Variants in HINFP observed in about 807,000 individuals in gnomAD.
HINFP encodes histone H4 transcription factor.
A neutral mutation model predicts 50.1 loss-of-function variants in HINFP; 20 were observed. That is an observed-to-expected ratio of 0.40 (90% confidence interval 0.28 to 0.58). The LOEUF (loss-of-function observed/expected upper bound fraction) is 0.58, where lower values mean the gene tolerates loss of function less well. HINFP is among the 20% of genes least tolerant of loss of function. The pLI, the probability that HINFP is intolerant of heterozygous loss-of-function variation, is 0.45. For missense variants in HINFP, 505 were observed against 664.1 expected (o/e 0.76, Z 2.63); for synonymous variants, 247 against 243.7 (o/e 1.01, Z -0.13).
At position 119,135,932 on chromosome 11, in the gene HINFP, C is replaced by G. The variant is rs1224827562; in HGVS notation, c.*1434C>G. The G allele has an allele frequency of 6.6e-6, 1 of 152,136 alleles. No individual in the cohort carries two copies. Among genetic ancestry groups the G allele is most frequent in the Non-Finnish European group, 1.5e-5 (1 of 68,080 alleles). 9.4% of individuals were successfully genotyped at this position (152,136 alleles called of 1,614,324 possible). A position where few individuals can be genotyped will look rare whatever the true frequency, so the allele number is the denominator to read the frequency against. On this transcript the variant is annotated 3_prime_UTR_variant, in exon 10 of 10. Transcript: ENST00000350777. The stretch of plus-strand genomic sequence containing the variant: ...GTCCCAGCTACTCGGGAGGCTGAGG[C>G]AGGAGAATTGCTTGAACCCGGGAGG...
At position 119,135,929 on chromosome 11, in the gene HINFP, A is replaced by C. The variant is rs1271527250; in HGVS notation, c.*1431A>C. ...GTAGTCCCAGCTACTCGGGAGGCTG[A>C]GGCAGGAGAATTGCTTGAACCCGGG... is the stretch of plus-strand genomic sequence containing the variant. On this transcript the variant is annotated 3_prime_UTR_variant, in exon 10 of 10. Transcript: ENST00000350777. The C allele has an allele frequency of 6.6e-6, 1 of 152,276 alleles. No individual in the cohort carries two copies. Among genetic ancestry groups the C allele is most frequent in the Non-Finnish European group, 1.5e-5 (1 of 68,094 alleles). The allele number at this position is 152,276 out of a possible 1,614,324, so 9.4% of individuals were successfully genotyped here.
chr11:119,132,561 A>G lies in HINFP; in HGVS notation c.742A>G (p.Met248Val). Residue 248 changes from methionine (M) to valine (V), a missense_variant, in exon 6 of 10, where the codon ATG becomes GTG. By Grantham distance (21) the Met-to-Val change is conservative. Transcript: ENST00000350777. ...CACAGAGCGGCTATTGCGGGACCAC[A>G]TGCGCAACCATGGTGAGTGGCCTGC... Reference protein sequence around the residue: ...FATERLLRDHMRNHVNHYKCP... With the variant: ...FATERLLRDHVRNHVNHYKCP... 4.3e-6 allele frequency: 7 copies of G among 1,614,120 alleles called. No individual in the cohort carries two copies. Among genetic ancestry groups the G allele is most frequent in the Non-Finnish European group, 5.9e-6 (7 of 1,180,038 alleles).
intron 2 of HINFP, 69 bp downstream of exon 2, chr11:119,127,194 A>G (rs979222900): frequency 7.6e-7 from 1 of 1,319,542 alleles, no homozygotes; most frequent in African/African-American, 1.5e-5. Flanking sequence ...TCTTTTCCTT[A>G]GAGGGAGAAG....
rs537770376 is a variant in HINFP, at chr11:119,128,043, G to A, written c.181+918G>A. Among the ~76,000 whole-genome samples the A allele has an allele frequency of 2.6e-5, 4 of 152,074 alleles. No homozygotes were observed. The South Asian group carries it at 8.3e-4, about 32-fold the overall frequency. On this transcript the variant is annotated intron_variant, in intron 2 of 9. Transcript: ENST00000350777. ...TAATTTTTGTACTTTTAGTAGAGAT[G>A]GGGTTTCACCATGTTGGCCAGGATG...
In HINFP at chr11:119,131,823, T is replaced by C; in HGVS notation, c.524-7T>C. 1 of 1,613,844 alleles carries C rather than the reference T, an allele frequency of 6.2e-7. No homozygotes were observed. The highest frequency in any genetic ancestry group is 8.5e-7 in the Non-Finnish European group (1 of 1,179,992). On this transcript the variant is annotated splice_polypyrimidine_tract_variant and splice_region_variant and intron_variant, in intron 4 of 9. Coordinates refer to ENST00000350777, the MANE Select transcript of HINFP (RefSeq NM_198971.3). The surrounding 1 kb of genome is among the most constrained non-coding windows in gnomAD (Gnocchi z 4.2). The stretch of plus-strand genomic sequence containing the variant: ...GTGGCAGGAGACTGATAGGGCTTCC[T>C]TCCCAGGCTGTACCTGCACCTTCAA...
rs1948005690 is a variant in HINFP, at chr11:119,135,297, A to G, written c.*799A>G. ...GCTGTGAGTGGGCAGTAGTGGTGCT[A>G]TAGAATGAACAAGAATGGGCTCACT... On this transcript the variant is annotated 3_prime_UTR_variant, in exon 10 of 10. Coordinates refer to ENST00000350777, the MANE Select transcript of HINFP (RefSeq NM_198971.3). 1.3e-5 allele frequency: 2 copies of G among 152,440 alleles called. No homozygotes were observed. Among genetic ancestry groups the G allele is most frequent in the African/African-American group, 4.8e-5 (2 of 41,556 alleles). The allele number at this position is 152,440 out of a possible 1,614,324, so 9.4% of individuals were successfully genotyped here. A position where few individuals can be genotyped will look rare whatever the true frequency, so the allele number is the denominator to read the frequency against.
chr11:119,130,654 A>T, intron 2 of HINFP, 71 bp from the exon 3 acceptor site: 1 of 1,349,052 alleles, frequency 7.4e-7, no homozygotes, highest in Non-Finnish European at 1.1e-6. Flanking sequence ...CTCTCTGTTT[A>T]GTGCTGCAGG....
intron 2 of HINFP, among the ~76,000 whole-genome samples, chr11:119,129,382 G>C (rs1348014520): frequency 5.9e-5 from 9 of 151,778 alleles, no homozygotes; most frequent in African/African-American, 1.5e-4. Context: ...TATGTTACCA[G>C]GTTGATCTTA....
intron 1 of HINFP, chr11:119,125,035 G>GTGTGTGT (rs1420094853): frequency 1.0e-5 from 1 of 100,192 alleles, no homozygotes; most frequent in African/African-American, 4.0e-5. Context: ...GTGTGTGTGT[G>GTGTGTGT]TTTTTTTTTT....
intron 9 of HINFP, 38 bp downstream of exon 9, chr11:119,133,257 T>A: frequency 6.2e-7 from 1 of 1,611,106 alleles, no homozygotes; most frequent in Non-Finnish European, 8.5e-7. Context: ...TTAACACACT[T>A]GTTTTTATAC....
chr11:119,127,394 C>A (rs1314349182), intron 2 of HINFP: 15 of 230,926 alleles, frequency 6.5e-5, no homozygotes, highest in East Asian at 1.7e-4. Context: ...CCTGTGTTTA[C>A]ATATATTTAA....
rs1447322771 is a variant in HINFP at position 119,131,793 on chromosome 11, GT to G, written c.524-33del. ...GTACCAGATCCTAGGCAAAACTGGG[GT>G]TTTGTGGCAGGAGACTGATAGGGCT... On this transcript the variant is annotated intron_variant, in intron 4 of 9. Transcript: ENST00000350777. This position sits in a 1 kb window ranked among gnomAD's most constrained non-coding sequence, Gnocchi z 4.2. 6.2e-7 allele frequency: 1 copy of G among 1,612,414 alleles called. No homozygotes were observed. The highest frequency in any genetic ancestry group is 1.3e-5 in the African/African-American group (1 of 74,866).
At position 119,134,246 on chromosome 11, in the gene HINFP, G is replaced by T. The variant is rs184983504; in HGVS notation, c.1302G>T (p.Gly434=). 1.1e-4 allele frequency: 172 copies of T among 1,614,164 alleles called. No homozygotes were observed. Among genetic ancestry groups the T allele is most frequent in the Admixed American group, 1.5e-4 (9 of 60,024 alleles). The change falls in exon 10 of 10, where the codon GGG becomes GGT. Residue 434 remains glycine, a synonymous_variant. Coordinates refer to ENST00000350777, the MANE Select transcript of HINFP (RefSeq NM_198971.3). The surrounding 1 kb of genome is among the most constrained non-coding windows in gnomAD (Gnocchi z 4.3). The stretch of plus-strand genomic sequence containing the variant: ...GCATTATTCTAGAAACAGTGCCAGG[G>T]GAGCCAGGACGTAAGGAAGAGGAAG... ...LQGIILETVP[G]EPGRKEEEEE... is the part of the protein sequence containing the mutation.
chr11:119,132,059 T>C, intron 5 of HINFP, 77 bp downstream of exon 5: 1 of 1,533,304 alleles, frequency 6.5e-7, no homozygotes, highest in South Asian at 1.2e-5. Flanking sequence ...CTAGTGGGGG[T>C]GGCCACTGAA....
chr11:119,132,623 A>C lies in HINFP; in HGVS notation c.755-38A>C, dbSNP rs777607392. ...TCCCTCCTGCCCTCCAAGGTTCCAC[A>C]AGTTCTCACATCACAGCCTCCTCTC... On this transcript the variant is annotated intron_variant, in intron 6 of 9. Coordinates refer to ENST00000350777, the MANE Select transcript of HINFP (RefSeq NM_198971.3). 2.5e-6 allele frequency: 4 copies of C among 1,613,932 alleles called. No individual in the cohort carries two copies. In the South Asian group the frequency reaches 4.4e-5, roughly 18 times the overall value.
At chr11:119,125,040 T>TG (rs1947314803) in intron 1 of HINFP, 5 of 146,188 alleles carry the variant, frequency 3.4e-5, no homozygotes, top group African/African-American at 1.0e-4. Context: ...TGTGTGTTTT[T>TG]TTTTTTTTTT....
intron 9 of HINFP, chr11:119,133,870 G>A: frequency 8.0e-6 from 5 of 628,232 alleles, no homozygotes; most frequent in South Asian, 2.0e-5. Context: ...TTCTGGTTGG[G>A]TTTCTATATA....
rs1212759902 is a variant in HINFP at position 119,121,605 on chromosome 11, G to A, written c.-45G>A. 1 of 152,350 alleles carries A rather than the reference G, an allele frequency of 6.6e-6. No individual in the cohort carries two copies. Among genetic ancestry groups the A allele is most frequent in the Non-Finnish European group, 1.5e-5 (1 of 68,130 alleles). The allele number at this position is 152,350 out of a possible 1,614,324, so 9.4% of individuals were successfully genotyped here. ...GCCTCTCCGGAGATGGTCTGAGGTG[G>A]GAGAAGAGCTGAAGAGACCTGGAGC... On this transcript the variant is annotated 5_prime_UTR_variant, in exon 1 of 10. Coordinates refer to ENST00000350777, the MANE Select transcript of HINFP (RefSeq NM_198971.3).
At position 119,131,291 on chromosome 11, in the gene HINFP, G is replaced by A. The variant is rs954643826; in HGVS notation, c.412-244G>A. The A allele has an allele frequency of 3.5e-6, 2 of 573,066 alleles. No individual in the cohort carries two copies. Among genetic ancestry groups the A allele is most frequent in the Non-Finnish European group, 6.3e-6 (2 of 316,168 alleles). The allele number at this position is 573,066 out of a possible 1,614,324, so 35.5% of individuals were successfully genotyped here. A position where few individuals can be genotyped will look rare whatever the true frequency, so the allele number is the denominator to read the frequency against. On this transcript the variant is annotated intron_variant, in intron 3 of 9. Transcript: ENST00000350777. The surrounding 1 kb of genome is among the most constrained non-coding windows in gnomAD (Gnocchi z 4.2). ...TTTTGTAGAGACAAGGTCTGGGTGT[G>A]TTGCCCAGGCCGGTCTCGAACTCTT...
Sources: allele counts gnomAD v4.1 joint callset (sites outside exome capture counted in the v4.1 genomes callset), GRCh38; gene constraint gnomAD v4.1.1; non-coding constraint Gnocchi (gnomAD v3.1); transcripts MANE v1.5; gene names NCBI Gene and HGNC (gene_info 2026-07-23, HGNC 2026-07-21).